The following ITGA4 variants were observed in gnomAD, a reference collection of about 807,000 sequenced individuals.
ITGA4 encodes integrin alpha-4.
A neutral mutation model predicts 133.6 loss-of-function variants in ITGA4; 63 were observed. That is an observed-to-expected ratio of 0.47 (90% CI 0.38 to 0.58). The LOEUF (loss-of-function observed/expected upper bound fraction) is 0.58. Ranked by LOEUF, ITGA4 falls within the 20% of genes least tolerant of loss-of-function variation. ITGA4 has a pLI of 0.00. For missense variants in ITGA4, 1,076 were observed against 1,252.7 expected (o/e 0.86, Z 2.13); for synonymous variants, 483 against 438.0 (o/e 1.10, Z -1.28).
intron 17 of ITGA4, among the ~76,000 whole-genome samples, chr2:181,518,665 C>T (rs1457978923): frequency 6.6e-6 from 1 of 151,998 alleles, no homozygotes; most frequent in Non-Finnish European, 1.5e-5. Flanking sequence ...TCAACTCTGT[C>T]ACTGCAGTGC....
rs752273555 is a variant in ITGA4 at position 181,493,304 on chromosome 2, ATTGT to A, written c.1154-18_1154-15del. The A allele has an allele frequency of 6.6e-7, 1 of 1,523,592 alleles. No individual in the cohort carries two copies. The highest frequency in any genetic ancestry group is 9.0e-7 in the Non-Finnish European group (1 of 1,107,412). The allele number at this position is 1,523,592 out of a possible 1,614,324, so 94.4% of individuals were successfully genotyped here. On this transcript the variant is annotated splice_polypyrimidine_tract_variant and intron_variant, in intron 10 of 27. Transcript: ENST00000397033. The stretch of plus-strand genomic sequence containing the variant: ...CTTTGTATCAAGAATTTATTTTTCC[ATTGT>A]TTAAATTATTGGATAGATGTTGCTA...
intron 2 of ITGA4, among the ~76,000 whole-genome samples, chr2:181,462,678 A>C (rs1391617080): frequency 2.0e-5 from 3 of 152,212 alleles, no homozygotes; most frequent in Non-Finnish European, 4.4e-5. Flanking sequence ...GTTACCAGAA[A>C]GAAGTTTCCT....
rs749692363 is a variant in ITGA4, at chr2:181,457,800, A to C, written c.146A>C (p.Asn49Thr). ...ESALLYQGPH[N>T]TLFGYSVVLH... Reference sequence around the variant, plus strand: ...GCGCTGCTTTACCAGGGCCCCCACAACACGCTGTTCGGCTACTCGGTCGTG... The same window carrying C: ...GCGCTGCTTTACCAGGGCCCCCACACCACGCTGTTCGGCTACTCGGTCGTG... The change falls in exon 1 of 28, where the codon AAC (asparagine) becomes ACC (threonine). Residue 49 changes from asparagine (N) to threonine (T), a missense_variant. Asn to Thr is a moderately conservative substitution (Grantham distance 65). This residue lies in a region of ITGA4 where 82 missense variants were observed against 68.3 expected (regional missense o/e 1.20). Transcript: ENST00000397033. 9 of 1,613,618 alleles carry C rather than the reference A, an allele frequency of 5.6e-6. No homozygotes were observed. The highest frequency in any genetic ancestry group is 6.8e-6 in the Non-Finnish European group (8 of 1,179,980).
chr2:181,458,199 C>T lies in ITGA4; in HGVS notation c.201C>T (p.Leu67=). ...ACGTGCACGTGTCTCGCTTTAGGCTCCTAGTGGGTGCGCCCACTGCCAACT... is the reference window on the plus strand; with the variant it reads ...ACGTGCACGTGTCTCGCTTTAGGCTTCTAGTGGGTGCGCCCACTGCCAACT... ...VLHSHGANRW[L]LVGAPTANWL... Residue 67 remains leucine (L), a synonymous_variant, in exon 2 of 28, where the codon CTC becomes CTT. Transcript: ENST00000397033. 1 of 1,614,052 alleles carries T rather than the reference C, an allele frequency of 6.2e-7. No homozygotes were observed. Among genetic ancestry groups the T allele is most frequent in the Admixed American group, 1.7e-5 (1 of 60,004 alleles).
chr2:181,459,811 C>A (rs1201583235), intron 2 of ITGA4, among the ~76,000 whole-genome samples: 2 of 152,140 alleles, frequency 1.3e-5, no homozygotes, highest in Non-Finnish European at 2.9e-5. Context: ...TTTCTGTTGT[C>A]CTGTCATAGT....
chr2:181,510,044 G>T (rs192525329), intron 16 of ITGA4, among the ~76,000 whole-genome samples: 4 of 152,136 alleles, frequency 2.6e-5, no homozygotes, highest in Admixed American at 6.6e-5. Context: ...AAATGCTGAT[G>T]TTCTATTTTT....
chr2:181,467,177 A>C (rs936268819), intron 2 of ITGA4, among the ~76,000 whole-genome samples: 8 of 152,108 alleles, frequency 5.3e-5, no homozygotes, highest in Admixed American at 6.6e-5. Flanking sequence ...AGAGTGGAAC[A>C]ATTTGAAATG....
chr2:181,474,038 A>G (rs571799660), intron 2 of ITGA4, among the ~76,000 whole-genome samples: 1 of 152,340 alleles, frequency 6.6e-6, no homozygotes, highest in South Asian at 2.1e-4. Context: ...GGAATTAAGA[A>G]CAGATGCAAT....
chr2:181,464,997 A>G lies in ITGA4; in HGVS notation c.319+6680A>G, dbSNP rs1417707029. ...ATGTAAAACACTATAATTCACAAAA[A>G]TGTTCAGAAAATAGATTGTAGACTT... On this transcript the variant is annotated intron_variant, in intron 2 of 27. Coordinates refer to ENST00000397033, the MANE Select transcript of ITGA4 (RefSeq NM_000885.6). Among the ~76,000 whole-genome samples the G allele has an allele frequency of 2.0e-5, 3 of 152,146 alleles. No homozygotes were observed. In the East Asian group the frequency reaches 5.8e-4, roughly 29 times the overall value.
rs142243332 is a variant in ITGA4, at chr2:181,527,498, C to T, written c.2430+111C>T. 33 of 705,050 alleles carry T rather than the reference C, an allele frequency of 4.7e-5. No individual in the cohort carries two copies. In the African/African-American group the frequency reaches 4.9e-4, roughly 11 times the overall value. The allele number at this position is 705,050 out of a possible 1,614,324, so 43.7% of individuals were successfully genotyped here. A position where few individuals can be genotyped will look rare whatever the true frequency, so the allele number is the denominator to read the frequency against. On this transcript the variant is annotated intron_variant, in intron 22 of 27. Transcript: ENST00000397033. ...GACGTCCTTCAGCCTCTGCAGACCACAGCTGGCTGGAATGGGGCAGCAGCA... is the reference window on the plus strand; with the variant it reads ...GACGTCCTTCAGCCTCTGCAGACCATAGCTGGCTGGAATGGGGCAGCAGCA...
chr2:181,517,206 T>C (rs373587015), intron 17 of ITGA4, among the ~76,000 whole-genome samples: 8 of 152,126 alleles, frequency 5.3e-5, no homozygotes, highest in African/African-American at 1.9e-4. Flanking sequence ...AAATGAGTCA[T>C]GTATCTTGAC....
chr2:181,498,138 A>AT (rs1290652892), intron 14 of ITGA4: 2 of 152,280 alleles, frequency 1.3e-5, no homozygotes, highest in South Asian at 2.1e-4. Flanking sequence ...CACTTCATGT[A>AT]TAAAAAAAAG....
chr2:181,534,247 T>A, intron 25 of ITGA4, 25 bp from the exon 26 acceptor site: 2 of 1,364,436 alleles, frequency 1.5e-6, no homozygotes, highest in Non-Finnish European at 2.1e-6. Flanking sequence ...AACCAGGCTA[T>A]GGTGATCCTT....
chr2:181,502,671 G>A (rs533713466), intron 15 of ITGA4, among the ~76,000 whole-genome samples: 1 of 152,212 alleles, frequency 6.6e-6, no homozygotes, highest in Non-Finnish European at 1.5e-5. Flanking sequence ...AGGGATGGAG[G>A]AAGTGGCATT....
intron 2 of ITGA4, among the ~76,000 whole-genome samples, chr2:181,465,083 A>G (rs1219857412): frequency 6.6e-6 from 1 of 152,134 alleles, no homozygotes; most frequent in Non-Finnish European, 1.5e-5. Flanking sequence ...TGTTCTTTTG[A>G]CATTATGCCC....
chr2:181,473,331 G>A (rs1486522104), intron 2 of ITGA4, among the ~76,000 whole-genome samples: 1 of 152,222 alleles, frequency 6.6e-6, no homozygotes, highest in Non-Finnish European at 1.5e-5. Flanking sequence ...GATCTAGGTT[G>A]TGCTTTCCTT....
rs1686142544 is a variant in ITGA4, at chr2:181,495,654, T to C, written c.1386-129T>C. 1 of 771,890 alleles carries C rather than the reference T, an allele frequency of 1.3e-6. No individual in the cohort carries two copies. Among genetic ancestry groups the C allele is most frequent in the Non-Finnish European group, 2.1e-6 (1 of 480,844 alleles). 47.8% of individuals were successfully genotyped at this position (771,890 alleles called of 1,614,324 possible). A position where few individuals can be genotyped will look rare whatever the true frequency, so the allele number is the denominator to read the frequency against. On this transcript the variant is annotated intron_variant, in intron 13 of 27. Transcript: ENST00000397033. This position sits in a 1 kb window ranked among gnomAD's most constrained non-coding sequence, Gnocchi z 4.3. Reference sequence around the variant, plus strand: ...TTTTGCCCTGTGCACAGAAATGTAATTAGTATGTACACACATAATAAGACT... The same window carrying C: ...TTTTGCCCTGTGCACAGAAATGTAACTAGTATGTACACACATAATAAGACT...
chr2:181,520,140 T>C lies in ITGA4; in HGVS notation c.1923-2051T>C, dbSNP rs146360564. On this transcript the variant is annotated intron_variant, in intron 17 of 27. Coordinates refer to ENST00000397033, the MANE Select transcript of ITGA4 (RefSeq NM_000885.6). ...TTGAGAGAGGGAGAAGCTGCCACCT[T>C]ACGCTGTTAGGGGAGAGCAATGCAG... 1.5e-3 allele frequency among the ~76,000 whole-genome samples: 234 copies of C among 152,162 alleles called. 1 individual carries two copies. The highest frequency in any genetic ancestry group is 5.4e-3 in the African/African-American group (225 of 41,536).
intron 21 of ITGA4, among the ~76,000 whole-genome samples, chr2:181,525,985 C>G (rs1260271967): frequency 6.6e-6 from 1 of 152,146 alleles, no homozygotes; most frequent in African/African-American, 2.4e-5. Context: ...ATATGAGTTA[C>G]AGAACAAATA....
Sources: gnomAD v4.1 joint callset for allele counts (sites outside exome capture counted in the v4.1 genomes callset) on GRCh38, gnomAD v4.1.1 for gene constraint, gnomAD v4.1.1 regional missense constraint, Gnocchi (gnomAD v3.1) non-coding constraint, MANE v1.5 for transcripts, NCBI Gene and HGNC (gene_info 2026-07-23, HGNC 2026-07-21) for gene names.